Variants in ANO4 observed in about 807,000 individuals in gnomAD.
ANO4 encodes the protein anoctamin 4.
A neutral mutation model predicts 141.9 loss-of-function variants in ANO4; 69 were observed. That is an observed-to-expected ratio of 0.49 (90% CI 0.40 to 0.59). The LOEUF (loss-of-function observed/expected upper bound fraction) is 0.59. Ranked by LOEUF, ANO4 falls within the 20% of genes least tolerant of loss-of-function variation. The pLI, the probability that ANO4 is intolerant of heterozygous loss-of-function variation, is 0.00. For missense variants in ANO4, 894 were observed against 1,162.2 expected (o/e 0.77, Z 3.36); for synonymous variants, 350 against 394.3 (o/e 0.89, Z 1.33).
intron 3 of ANO4, among the ~76,000 whole-genome samples, chr12:100,766,332 C>T (rs561620989): frequency 2.1e-4 from 32 of 152,078 alleles, no homozygotes; most frequent in Admixed American, 6.5e-4. Context: ...ATAAAGTTAG[C>T]GTCTTTATTT....
At chr12:101,083,572 G>A (rs2049367273) in intron 15 of ANO4, 106 bp from the exon 16 acceptor site, 2 of 1,363,202 alleles carry the variant, frequency 1.5e-6, no homozygotes, top group Admixed American at 2.7e-5. Context: ...TGACTAATTA[G>A]TGTGGCAGCT....
rs923034094 is a variant in ANO4 at position 101,116,865 on chromosome 12, T to C, written c.2570+67T>C. The C allele has an allele frequency of 1.9e-6, 3 of 1,602,738 alleles. No individual in the cohort carries two copies. In the African/African-American group the frequency reaches 4.0e-5, roughly 22 times the overall value. On this transcript the variant is annotated intron_variant, in intron 25 of 27. Transcript: ENST00000392977. ...GCTCCACCGTGGGGAGGTTTTACTC[T>C]GAAGGCCCCTTCTGGCTGAGTGTGT...
intron 1 of ANO4, among the ~76,000 whole-genome samples, chr12:100,888,893 A>G (rs1462870603): frequency 2.0e-5 from 3 of 151,540 alleles, no homozygotes; most frequent in Admixed American, 6.6e-5. Flanking sequence ...TATTATTATT[A>G]TTATACTTCA....
intron 11 of ANO4, 121 bp from the exon 12 acceptor site, chr12:101,042,213 C>A: frequency 8.0e-7 from 1 of 1,246,854 alleles, no homozygotes. Flanking sequence ...TTTATCTTGG[C>A]TTACCTTGCT....
At chr12:101,027,726 TC>T (rs912304892) in intron 9 of ANO4, among the ~76,000 whole-genome samples, 2 of 152,132 alleles carry the variant, frequency 1.3e-5, no homozygotes, top group African/African-American at 2.4e-5. Flanking sequence ...CTGGGCCTTA[TC>T]CCCTAGTGGG....
chr12:100,756,926 C>T (rs2032639200), intron 3 of ANO4, among the ~76,000 whole-genome samples: 1 of 152,146 alleles, frequency 6.6e-6, no homozygotes, highest in South Asian at 2.1e-4. Flanking sequence ...TATCTCAGAC[C>T]TCCAACCTGA....
intron 9 of ANO4, among the ~76,000 whole-genome samples, chr12:101,027,301 T>C (rs1394393546): frequency 6.6e-6 from 1 of 152,214 alleles, no homozygotes; most frequent in Admixed American, 6.5e-5. Flanking sequence ...GCACAGATTC[T>C]CAACAACCTC....
At chr12:100,869,931 A>G (rs540548106) in intron 1 of ANO4, among the ~76,000 whole-genome samples, 19 of 152,270 alleles carry the variant, frequency 1.2e-4, no homozygotes, top group Admixed American at 4.6e-4. Context: ...TGAATAACTG[A>G]TGTCACCACT....
chr12:100,739,018 T>TTATA (rs578085324), intron 2 of ANO4, among the ~76,000 whole-genome samples: 1 of 70,090 alleles, frequency 1.4e-5, no homozygotes, highest in Non-Finnish European at 2.6e-5. Flanking sequence ...ATCTAAATCT[T>TTATA]TATATATATA....
chr12:100,797,830 C>T (rs896661528), intron 1 of ANO4, among the ~76,000 whole-genome samples: 110 of 152,190 alleles, frequency 7.2e-4, no homozygotes, highest in African/African-American at 2.6e-3. Context: ...GTGAACATGC[C>T]TACATGTACA....
chr12:100,976,380 T>C (rs2044194268), intron 7 of ANO4, among the ~76,000 whole-genome samples: 2 of 152,244 alleles, frequency 1.3e-5, no homozygotes, highest in African/African-American at 4.8e-5. Flanking sequence ...AAAAATTGCC[T>C]GCGAGCAAGC....
intron 22 of ANO4, among the ~76,000 whole-genome samples, chr12:101,109,005 T>C (rs2050556632): frequency 6.6e-6 from 1 of 152,230 alleles, no homozygotes; most frequent in African/African-American, 2.4e-5. Context: ...GTTGTCTCCT[T>C]AGTTTCTTTT....
At chr12:101,059,827 A>G (rs2048275254) in intron 14 of ANO4, among the ~76,000 whole-genome samples, 1 of 152,226 alleles carries the variant, frequency 6.6e-6, no homozygotes, top group South Asian at 2.1e-4. Flanking sequence ...TTTTTAAAAA[A>G]CAATTCTTGG....
intron 14 of ANO4, among the ~76,000 whole-genome samples, chr12:101,069,457 C>T (rs913849658): frequency 6.6e-6 from 1 of 152,070 alleles, no homozygotes; most frequent in Non-Finnish European, 1.5e-5. Context: ...CATTTAATAC[C>T]TCTGGGCAGA....
At chr12:100,989,975 A>AGATGGATG (rs58082088) in intron 8 of ANO4, among the ~76,000 whole-genome samples, 20,077 of 131,442 alleles carry the variant, frequency 0.15, 1,663 homozygotes, top group Non-Finnish European at 0.19. Context: ...ATAGGTCACC[A>AGATGGATG]GATGGATGGA....
chr12:100,868,552 T>A (rs2135917501), intron 1 of ANO4, among the ~76,000 whole-genome samples: 1 of 152,304 alleles, frequency 6.6e-6, no homozygotes, highest in Admixed American at 6.5e-5. Context: ...TTGGTCTCCC[T>A]TACTCTTGGG....
chr12:100,728,389 G>A (rs2031233179), intron 1 of ANO4, among the ~76,000 whole-genome samples: 1 of 152,172 alleles, frequency 6.6e-6, no homozygotes, highest in African/African-American at 2.4e-5. Context: ...TAGCACATCA[G>A]ATAACTGACT....
chr12:100,870,569 C>A (rs945237300), intron 1 of ANO4, among the ~76,000 whole-genome samples: 3 of 151,842 alleles, frequency 2.0e-5, no homozygotes, highest in African/African-American at 7.3e-5. Context: ...CTTTCAAATA[C>A]CATCACAGTA....
intron 2 of ANO4, among the ~76,000 whole-genome samples, chr12:100,918,526 A>T (rs756486983): frequency 6.6e-6 from 1 of 152,160 alleles, no homozygotes; most frequent in Non-Finnish European, 1.5e-5. Flanking sequence ...TTCATCAGTG[A>T]TGGACCACAT....
Sources: allele counts gnomAD v4.1 joint callset (sites outside exome capture counted in the v4.1 genomes callset), GRCh38; gene constraint gnomAD v4.1.1; transcripts MANE v1.5; gene names NCBI Gene and HGNC (gene_info 2026-07-23, HGNC 2026-07-21).